Variants in VPS13B observed in about 807,000 individuals in gnomAD.
VPS13B encodes the protein vacuolar protein sorting 13 homolog B.
VPS13B carries 285 observed loss-of-function variants against 426.4 expected under a neutral mutation model. That is an observed-to-expected ratio of 0.67 (90% CI 0.61 to 0.74). VPS13B has a LOEUF of 0.74. Among genes scored for constraint, VPS13B ranks in the 30% least tolerant of loss-of-function variants. The pLI, the probability that VPS13B is intolerant of heterozygous loss-of-function variation, is 0.00. For synonymous variants in VPS13B, 1,676 were observed against 1,676.4 expected (o/e 1.00, Z 0.01); for missense variants, 4,537 against 4,782.6 (o/e 0.95, Z 1.51).
At chr8:99,381,490 C>T (rs931651045) in intron 19 of VPS13B, among the ~76,000 whole-genome samples, 19 of 152,166 alleles carry the variant, frequency 1.2e-4, no homozygotes, top group Admixed American at 5.9e-4. Flanking sequence ...CACTGTTTTC[C>T]ACAATGGTTG....
intron 20 of VPS13B, among the ~76,000 whole-genome samples, chr8:99,388,150 T>C (rs1289170256): frequency 1.3e-5 from 2 of 152,144 alleles, no homozygotes; most frequent in East Asian, 1.9e-4. Flanking sequence ...AGGGCACTTA[T>C]ATATATTTTT....
chr8:99,104,184 C>T (rs1846918526), intron 5 of VPS13B, among the ~76,000 whole-genome samples: 1 of 152,106 alleles, frequency 6.6e-6, no homozygotes, highest in South Asian at 2.1e-4. Context: ...CAAACCTGTA[C>T]AGCATGTTAC....
In VPS13B at chr8:99,556,539, G is replaced by A; in HGVS notation, c.4835G>A (p.Gly1612Asp). The A allele has an allele frequency of 3.7e-6, 6 of 1,613,252 alleles. No individual in the cohort carries two copies. The highest frequency in any genetic ancestry group is 5.1e-6 in the Non-Finnish European group (6 of 1,179,568). Residue 1612 changes from glycine (G) to aspartate (D), a missense_variant, in exon 31 of 62, where the codon GGT (glycine) becomes GAT (aspartate). By Grantham distance (94) the Gly-to-Asp change is moderately conservative (BLOSUM62 -1). Around this residue, in one of 2 missense-constraint regions of VPS13B, gnomAD observed 4,311 missense variants for 4,474.3 expected, o/e 0.96. Transcript: ENST00000357162. ...YQIDLQSINI[G>D]TAQWHQLKPE... ...ATAGATCTGCAGTCCATCAATATTG[G>A]TACTGCACAGTGGCATCAACTAAAA...
chr8:99,495,743 G>A (rs1431940821), intron 25 of VPS13B, among the ~76,000 whole-genome samples: 1 of 152,122 alleles, frequency 6.6e-6, no homozygotes. Flanking sequence ...AAAATTTTCT[G>A]GGGTAACTTT....
chr8:99,747,826 G>A (rs750847396), intron 39 of VPS13B, among the ~76,000 whole-genome samples: 3 of 151,736 alleles, frequency 2.0e-5, no homozygotes, highest in Non-Finnish European at 2.9e-5. Flanking sequence ...CTTTTCAAAG[G>A]GTATCTTGTT....
chr8:99,614,062 C>G (rs561717381), intron 33 of VPS13B: 1 of 152,182 alleles, frequency 6.6e-6, no homozygotes, highest in Non-Finnish European at 1.5e-5. Flanking sequence ...AGACTACAGA[C>G]GCACACCATA....
chr8:99,633,519 C>A (rs1828934932), intron 33 of VPS13B, among the ~76,000 whole-genome samples: 1 of 151,926 alleles, frequency 6.6e-6, no homozygotes, highest in African/African-American at 2.4e-5. Flanking sequence ...GAGTCAAATT[C>A]TATGAAAAAC....
At chr8:99,117,428 A>G (rs1473966932) in intron 7 of VPS13B, among the ~76,000 whole-genome samples, 1 of 152,202 alleles carries the variant, frequency 6.6e-6, no homozygotes, top group Non-Finnish European at 1.5e-5. Context: ...TTGACCCAGC[A>G]ATTCCATTCC....
chr8:99,116,189 G>C (rs950214653), intron 7 of VPS13B, among the ~76,000 whole-genome samples: 1 of 112,788 alleles, frequency 8.9e-6, no homozygotes, highest in African/African-American at 3.0e-5. Flanking sequence ...CACCACGCCT[G>C]TGTAATTTTG....
rs559003673 is a variant in VPS13B at position 99,099,512 on chromosome 8, A to G, written c.412+3080A>G. Among the ~76,000 whole-genome samples, 46 of 152,142 alleles carry G rather than the reference A, an allele frequency of 3.0e-4. 1 individual carries two copies. The highest frequency in any genetic ancestry group is 2.7e-3 in the Admixed American group (41 of 15,296). On this transcript the variant is annotated intron_variant, in intron 4 of 61. Transcript: ENST00000357162. ...TTTTTGATACATGCCATTTAAGACT[A>G]TCAGAGAAATAAATAAGATACAGTC...
intron 39 of VPS13B, among the ~76,000 whole-genome samples, chr8:99,726,419 A>G (rs1371842364): frequency 1.3e-5 from 2 of 152,174 alleles, no homozygotes; most frequent in Non-Finnish European, 2.9e-5. Flanking sequence ...CCTCTCTCCT[A>G]ATCCTCCTGT....
chr8:99,771,580 T>A (rs942804615), intron 40 of VPS13B, among the ~76,000 whole-genome samples: 1 of 152,222 alleles, frequency 6.6e-6, no homozygotes, highest in African/African-American at 2.4e-5. Flanking sequence ...GAAGAAGAAC[T>A]CCTTTTCATT....
At chr8:99,711,513 C>G (rs1050744374) in intron 36 of VPS13B, among the ~76,000 whole-genome samples, 2 of 151,962 alleles carry the variant, frequency 1.3e-5, no homozygotes, top group Non-Finnish European at 2.9e-5. Context: ...CAAATAAAAA[C>G]TGTAGAATGA....
intron 17 of VPS13B, among the ~76,000 whole-genome samples, chr8:99,254,456 A>T (rs756264047): frequency 9.3e-5 from 14 of 151,230 alleles, no homozygotes; most frequent in African/African-American, 1.2e-4. Flanking sequence ...CTCTTACTCC[A>T]TTCAGTATTT....
At chr8:99,612,406 A>T (rs775478905) in intron 33 of VPS13B, among the ~76,000 whole-genome samples, 52 of 152,160 alleles carry the variant, frequency 3.4e-4, no homozygotes, top group Non-Finnish European at 7.6e-4. Context: ...AGTCTCTCTT[A>T]TTGAGTGTAT....
At chr8:99,473,417 TATG>T (rs889629029) in intron 24 of VPS13B, among the ~76,000 whole-genome samples, 6 of 152,104 alleles carry the variant, frequency 3.9e-5, no homozygotes, top group East Asian at 1.9e-4. Context: ...AGAAAAATCA[TATG>T]ATCATCTCAA....
intron 21 of VPS13B, among the ~76,000 whole-genome samples, chr8:99,429,079 A>G (rs948692012): frequency 1.4e-4 from 21 of 152,172 alleles, no homozygotes; most frequent in African/African-American, 4.8e-4. Flanking sequence ...GAATTGAACA[A>G]TGAGAACACA....
At chr8:99,770,958 C>G (rs1453781453) in intron 40 of VPS13B, among the ~76,000 whole-genome samples, 1 of 152,186 alleles carries the variant, frequency 6.6e-6, no homozygotes, top group Non-Finnish European at 1.5e-5. Context: ...ATCATGAGCC[C>G]TACTCTCTTG....
intron 34 of VPS13B, among the ~76,000 whole-genome samples, chr8:99,647,573 TAAA>T (rs111538532): frequency 1.2e-4 from 13 of 111,808 alleles, no homozygotes; most frequent in East Asian, 2.3e-4. Context: ...AGCAAGACTG[TAAA>T]AAAAAAAAAA....
Sources: allele counts gnomAD v4.1 joint callset (sites outside exome capture counted in the v4.1 genomes callset), GRCh38; gene constraint gnomAD v4.1.1; regional missense constraint gnomAD v4.1.1; transcripts MANE v1.5; gene names NCBI Gene and HGNC (gene_info 2026-07-23, HGNC 2026-07-21).